Variants in LRBA observed in about 807,000 individuals in gnomAD.
LRBA encodes the protein lipopolysaccharide-responsive and beige-like anchor protein.
A neutral mutation model predicts 330.0 loss-of-function variants in LRBA; 176 were observed. The observed-to-expected ratio is 0.53, with a 90% CI of 0.47 to 0.60. The LOEUF is 0.60. LRBA is among the 20% of genes least tolerant of loss of function. The pLI is 0.00. For missense variants in LRBA, 3,259 were observed against 3,444.8 expected, an observed-to-expected ratio of 0.95 and a Z score of 1.35; for synonymous variants, 1,230 against 1,193.0, an observed-to-expected ratio of 1.03 and a Z score of -0.64.
At chr4:150,828,121 C>T (rs1746546407) in intron 30 of LRBA, 59 bp downstream of exon 30, 4 of 1,509,836 alleles carry the variant, frequency 2.6e-6, no homozygotes, top group Non-Finnish European at 3.6e-6. Flanking sequence ...TCCCTAACCC[C>T]CATGTTGTTC....
At chr4:151,011,769 G>A (rs897186295) in intron 2 of LRBA, among the ~76,000 whole-genome samples, 8 of 151,792 alleles carry the variant, frequency 5.3e-5, no homozygotes, top group African/African-American at 1.9e-4. Context: ...CGAACTCCTG[G>A]GCTCAAGGGA....
intron 4 of LRBA, among the ~76,000 whole-genome samples, chr4:150,922,129 G>A (rs1733350942): frequency 6.6e-6 from 1 of 152,038 alleles, no homozygotes; most frequent in East Asian, 1.9e-4. Context: ...ACAAAGTGCT[G>A]GGATTACAGG....
chr4:150,624,438 G>A (rs1434033094), intron 37 of LRBA, among the ~76,000 whole-genome samples: 1 of 151,978 alleles, frequency 6.6e-6, no homozygotes, highest in Non-Finnish European at 1.5e-5. Flanking sequence ...TCATACAAGG[G>A]CTTATGTGTT....
intron 56 of LRBA, among the ~76,000 whole-genome samples, chr4:150,271,039 G>C (rs1384234418): frequency 6.6e-6 from 1 of 152,148 alleles, no homozygotes; most frequent in Non-Finnish European, 1.5e-5. Flanking sequence ...TTGGACAGTG[G>C]GTGCAGCCCA....
chr4:150,654,425 G>A (rs888916741), intron 37 of LRBA, among the ~76,000 whole-genome samples: 2 of 152,076 alleles, frequency 1.3e-5, no homozygotes, highest in Non-Finnish European at 2.9e-5. Context: ...ATGACCTCAC[G>A]CGATCCACCC....
At chr4:150,813,220 T>A (rs370600543) in intron 31 of LRBA, among the ~76,000 whole-genome samples, 38 of 151,772 alleles carry the variant, frequency 2.5e-4, no homozygotes, top group Middle Eastern at 3.4e-3. Flanking sequence ...GATACTGTAT[T>A]CTAGGTAATC....
intron 44 of LRBA, among the ~76,000 whole-genome samples, chr4:150,465,140 G>T (rs1755283385): frequency 6.6e-6 from 1 of 151,982 alleles, no homozygotes; most frequent in African/African-American, 2.4e-5. Context: ...TCATATGAAT[G>T]GAATCATACA....
intron 47 of LRBA, among the ~76,000 whole-genome samples, chr4:150,411,311 C>G (rs1027472469): frequency 3.6e-4 from 55 of 152,124 alleles, no homozygotes; most frequent in African/African-American, 1.3e-3. Context: ...TTGGGTGAGA[C>G]AGTAGTTACA....
At chr4:150,360,316 TAA>T (rs77442716) in intron 47 of LRBA, among the ~76,000 whole-genome samples, 8 of 118,452 alleles carry the variant, frequency 6.8e-5, no homozygotes, top group Non-Finnish European at 5.6e-5. Flanking sequence ...TTTTAAAAAG[TAA>T]AAAAAAAAAA....
rs755228654 is a variant in LRBA at position 150,415,540 on chromosome 4, A to T, written c.7092T>A (p.Asn2364Lys). ...CATCCATCACTCCAAGATTATAATT[A>T]TTGAAGTTGACAAACATCTCAGGGA... is the stretch of plus-strand genomic sequence containing the variant. The part of the protein sequence containing the change: ...YYLPEMFVNF[N>K]NYNLGVMDDG... The change falls in exon 47 of 57, where the codon AAT becomes AAA. Residue 2364 changes from asparagine to lysine, a missense_variant. By Grantham distance (94) the Asn-to-Lys change is moderately conservative. Transcript: ENST00000651943. 1.3e-6 allele frequency: 2 copies of T among 1,599,988 alleles called. No homozygotes were observed. Among genetic ancestry groups the T allele is most frequent in the African/African-American group, 1.3e-5 (1 of 74,666 alleles).
intron 47 of LRBA, among the ~76,000 whole-genome samples, chr4:150,356,591 C>T (rs1316389844): frequency 6.6e-6 from 1 of 151,868 alleles, no homozygotes; most frequent in Non-Finnish European, 1.5e-5. Flanking sequence ...AACATTTTTT[C>T]ATATTGGTTG....
At chr4:150,398,967 C>A (rs1745118637) in intron 47 of LRBA, among the ~76,000 whole-genome samples, 1 of 151,998 alleles carries the variant, frequency 6.6e-6, no homozygotes, top group African/African-American at 2.4e-5. Context: ...CCTATACTGC[C>A]AAATATAAAT....
At chr4:150,598,402 A>C (rs1773742536) in intron 38 of LRBA, among the ~76,000 whole-genome samples, 1 of 152,184 alleles carries the variant, frequency 6.6e-6, no homozygotes, top group African/African-American at 2.4e-5. Context: ...AGTCATATGC[A>C]TTGTATCAAA....
chr4:150,569,036 C>T (rs959874951), intron 40 of LRBA, among the ~76,000 whole-genome samples: 2 of 152,134 alleles, frequency 1.3e-5, no homozygotes, highest in South Asian at 2.1e-4. Flanking sequence ...AAAATGGTGA[C>T]AATACCTACC....
At chr4:150,636,547 G>A (rs1777931073) in intron 37 of LRBA, among the ~76,000 whole-genome samples, 6 of 152,144 alleles carry the variant, frequency 3.9e-5, no homozygotes. Context: ...CAGAGCCCTG[G>A]TTTCAATGGA....
At chr4:150,537,876 A>G (rs1764844275) in intron 40 of LRBA, among the ~76,000 whole-genome samples, 1 of 151,922 alleles carries the variant, frequency 6.6e-6, no homozygotes, top group African/African-American at 2.4e-5. Context: ...AATTGCTTGA[A>G]CCCAGGAGGG....
At chr4:150,442,462 A>C (rs1751968054) in intron 44 of LRBA, among the ~76,000 whole-genome samples, 1 of 152,190 alleles carries the variant, frequency 6.6e-6, no homozygotes, top group South Asian at 2.1e-4. Context: ...ACTGCTTTAC[A>C]ACCCTGCTTA....
intron 46 of LRBA, among the ~76,000 whole-genome samples, chr4:150,416,914 A>G (rs1391768190): frequency 6.6e-6 from 1 of 152,104 alleles, no homozygotes; most frequent in East Asian, 1.9e-4. Flanking sequence ...TACAAGGTAA[A>G]GTATCAATCA....
intron 34 of LRBA, among the ~76,000 whole-genome samples, chr4:150,796,580 C>G (rs1028613918): frequency 1.3e-5 from 2 of 151,916 alleles, no homozygotes; most frequent in Admixed American, 6.6e-5. Flanking sequence ...TTAAACAGTA[C>G]TGTGACATAC....
Sources: gnomAD v4.1 joint callset for allele counts (sites outside exome capture counted in the v4.1 genomes callset) on GRCh38, gnomAD v4.1.1 for gene constraint, MANE v1.5 for transcripts, NCBI Gene and HGNC (gene_info 2026-07-23, HGNC 2026-07-21) for gene names.